Variants in FBN3 observed in about 807,000 individuals in gnomAD.
FBN3 encodes the protein fibrillin-3.
FBN3 carries 234 observed loss-of-function variants against 330.1 expected under a neutral mutation model. The ratio of observed to expected loss-of-function variants is 0.71; its 90% CI spans 0.64 to 0.79. The LOEUF is 0.79. FBN3 is among the 30% of genes least tolerant of loss of function. The probability of loss-of-function intolerance (pLI) is 0.00; values close to 1 mark genes in which losing one functional copy is unlikely to be tolerated. For synonymous variants in FBN3, 1,458 were observed against 1,517.3 expected, an observed-to-expected ratio of 0.96 and a Z score of 0.91; for missense variants, 3,606 against 3,886.9, an observed-to-expected ratio of 0.93 and a Z score of 1.92.
chr19:8,068,689 G>T (rs2081445038), intron 63 of FBN3, among the ~76,000 whole-genome samples: 1 of 150,284 alleles, frequency 6.7e-6, no homozygotes, highest in Non-Finnish European at 1.5e-5. Flanking sequence ...GTGACAGAGT[G>T]AGACCTTGTC....
chr19:8,096,689 G>A lies in FBN3; in HGVS notation c.5414-120C>T. ...AAGTTCCCCACTCAAACTTCCACCA[G>A]GGGCGTCAGGCTGTCTGCATGGACC... On this transcript the variant is annotated intron_variant, in intron 43 of 63. Transcript: ENST00000600128. The surrounding 1 kb of genome is among the most constrained non-coding windows in gnomAD (Gnocchi z 4.6). 7.0e-7 allele frequency: 1 copy of A among 1,419,638 alleles called. No individual in the cohort carries two copies. The highest frequency in any genetic ancestry group is 9.5e-7 in the Non-Finnish European group (1 of 1,051,254). The allele number at this position is 1,419,638 out of a possible 1,614,324, so 87.9% of individuals were successfully genotyped here. A position where few individuals can be genotyped will look rare whatever the true frequency, so the allele number is the denominator to read the frequency against.
intron 13 of FBN3, 25 bp downstream of exon 13, chr19:8,135,936 G>GGGGGGGCCCCCCCCCCCCCCCC: frequency 1.5e-6 from 1 of 668,778 alleles, no homozygotes; most frequent in Non-Finnish European, 2.4e-6. Context: ...GGAAGCCCCT[G>GGGGGGGCCCCCCCCCCCCCCCC]CCCACCCGCC....
Position 8,109,831 on chromosome 19 carries a change from T to G in FBN3, c.4334-78A>C. On this transcript the variant is annotated intron_variant, in intron 34 of 63. Transcript: ENST00000600128. The surrounding 1 kb of genome is among the most constrained non-coding windows in gnomAD (Gnocchi z 5.2). ...CCCTCCTAGCTTCATCCTGGGAAGC[T>G]ACAGCCCTCGCTCAAGGTCAACTCC... is the stretch of plus-strand genomic sequence containing the variant. The G allele has an allele frequency of 7.0e-7, 1 of 1,420,250 alleles. No homozygotes were observed. The highest frequency in any genetic ancestry group is 9.2e-7 in the Non-Finnish European group (1 of 1,082,254). The allele number at this position is 1,420,250 out of a possible 1,614,324, so 88.0% of individuals were successfully genotyped here.
chr19:8,072,934 C>A, intron 62 of FBN3, 129 bp downstream of exon 62: 2 of 773,554 alleles, frequency 2.6e-6, no homozygotes, highest in Admixed American at 2.5e-5. Flanking sequence ...TGAAGGAGCT[C>A]TTCTGGTAAA....
rs149551378 is a variant in FBN3, at chr19:8,111,684, G to A, written c.4048C>T (p.Arg1350Cys). The change falls in exon 32 of 64, where the codon CGC becomes TGC. Residue 1350 changes from arginine to cysteine, a missense_variant. Arg to Cys is a radical substitution (Grantham distance 180). Transcript: ENST00000600128. Reference sequence around the variant, plus strand: ...AAGCCATCCCCGGCAAAGCCCTGGCGGCAGGTGCAGCGGTAGGAGCCAGGG... The same window carrying A: ...AAGCCATCCCCGGCAAAGCCCTGGCAGCAGGTGCAGCGGTAGGAGCCAGGG... ...NVPGSYRCTC[R>C]QGFAGDGFFC... 5.8e-5 allele frequency: 94 copies of A among 1,610,048 alleles called. No homozygotes were observed. The African/African-American group carries it at 8.9e-4, about 15-fold the overall frequency.
At position 8,118,570 on chromosome 19, in the gene FBN3, A is replaced by T. The variant is rs78080357; in HGVS notation, c.3337+327T>A. Among the ~76,000 whole-genome samples, 863 of 149,630 alleles carry T rather than the reference A, an allele frequency of 5.8e-3. 4 individuals are homozygous for T. Among genetic ancestry groups the T allele is most frequent in the Non-Finnish European group, 9.3e-3 (633 of 67,980 alleles). ...CCCTCTTGTGTGTTCACACAGACGC[A>T]CACACACACTCACTCCTCACATACA... On this transcript the variant is annotated intron_variant, in intron 26 of 63. Coordinates refer to ENST00000600128, the MANE Select transcript of FBN3 (RefSeq NM_032447.5).
intron 22 of FBN3, 65 bp from the exon 23 acceptor site, chr19:8,124,073 G>C: frequency 1.5e-6 from 2 of 1,374,466 alleles, no homozygotes; most frequent in Non-Finnish European, 2.0e-6. Flanking sequence ...GGACAGGCGT[G>C]CCGCTCAGTC....
At position 8,093,441 on chromosome 19, in the gene FBN3, G is replaced by A. The variant is rs983330356; in HGVS notation, c.5905+1005C>T. On this transcript the variant is annotated intron_variant, in intron 47 of 63. Transcript: ENST00000600128. ...GATCGAGAGCATCCTGGCTAACATG[G>A]TGAAACCCCGTCTCTACTAAAAATA... 7.2e-5 allele frequency among the ~76,000 whole-genome samples: 11 copies of A among 152,238 alleles called. No individual in the cohort carries two copies. In the South Asian group the frequency reaches 1.2e-3, roughly 17 times the overall value.
intron 61 of FBN3, among the ~76,000 whole-genome samples, chr19:8,073,551 C>G (rs1346934063): frequency 6.6e-6 from 1 of 152,246 alleles, no homozygotes; most frequent in Non-Finnish European, 1.5e-5. Context: ...CTAGAACAAG[C>G]TTTCTCACCC....
chr19:8,094,602 A>C (rs1227168907), intron 46 of FBN3, 37 bp from the exon 47 acceptor site: 1 of 1,598,296 alleles, frequency 6.3e-7, no homozygotes, highest in South Asian at 1.1e-5. Context: ...TGTGCCAGCC[A>C]GGATGCAGGG....
intron 13 of FBN3, 25 bp downstream of exon 13, chr19:8,135,936 G>GGGGCCCCCCCCCCCCCCCC: frequency 1.5e-6 from 1 of 668,778 alleles, no homozygotes; most frequent in Non-Finnish European, 2.4e-6. Context: ...GGAAGCCCCT[G>GGGGCCCCCCCCCCCCCCCC]CCCACCCGCC....
intron 34 of FBN3, among the ~76,000 whole-genome samples, chr19:8,110,515 C>T (rs1181593698): frequency 6.6e-6 from 1 of 152,208 alleles, no homozygotes; most frequent in Non-Finnish European, 1.5e-5. Flanking sequence ...TTTTGAGCTA[C>T]AATGGCAGAG....
At position 8,086,129 on chromosome 19, in the gene FBN3, TG is replaced by T. The variant is rs536973519; in HGVS notation, c.6880+70del. Reference sequence around the variant, plus strand: ...GGCAGGCAGTGGGGGGAACAGGCAGTGGGGGGGGACAGGCAGTGGGTGCCAC... The same window carrying T: ...GGCAGGCAGTGGGGGGAACAGGCAGTGGGGGGGACAGGCAGTGGGTGCCAC... On this transcript the variant is annotated intron_variant, in intron 55 of 63. Coordinates refer to ENST00000600128, the MANE Select transcript of FBN3 (RefSeq NM_032447.5). 5.8e-3 allele frequency: 4,524 copies of T among 776,684 alleles called. 134 individuals are homozygous for T. In the African/African-American group the frequency reaches 0.13, roughly 22 times the overall value. 48.1% of individuals were successfully genotyped at this position (776,684 alleles called of 1,614,324 possible).
rs1282927490 is a variant in FBN3, at chr19:8,131,263, A to C, written c.2016T>G (p.Ser672Arg). ...GACCATCCGTGGTAATGCCAAGCCC[A>C]CTGCTGCACAGTGCCTGGAACTCAG... is the stretch of plus-strand genomic sequence containing the variant. ...DSAEFQALCS[S>R]GLGITTDGRD... is the part of the protein sequence containing the mutation. Residue 672 changes from serine (S) to arginine (R), a missense_variant, in exon 16 of 64, where the codon AGT (serine) becomes AGG (arginine). Physicochemically the swap from Ser to Arg is moderately radical, Grantham distance 110. Transcript: ENST00000600128. The surrounding 1 kb of genome is among the most constrained non-coding windows in gnomAD (Gnocchi z 4.5). The C allele has an allele frequency of 1.2e-6, 2 of 1,611,738 alleles. No individual in the cohort carries two copies. Among genetic ancestry groups the C allele is most frequent in the East Asian group, 4.5e-5 (2 of 44,824 alleles).
chr19:8,081,693 C>T (rs1055287987), intron 57 of FBN3, among the ~76,000 whole-genome samples: 8 of 152,198 alleles, frequency 5.3e-5, no homozygotes, highest in Non-Finnish European at 8.8e-5. Context: ...GGCCTTTGTA[C>T]TAGCAAAGCA....
At chr19:8,106,014 C>T (rs2082429276) in intron 38 of FBN3, 94 bp downstream of exon 38, 6 of 1,475,734 alleles carry the variant, frequency 4.1e-6, no homozygotes, top group Non-Finnish European at 3.7e-6. Flanking sequence ...TTCCATGAGG[C>T]CTTCCCTCCT....
At chr19:8,086,667 C>G (rs1406579362) in intron 54 of FBN3, among the ~76,000 whole-genome samples, 2 of 150,258 alleles carry the variant, frequency 1.3e-5, no homozygotes, top group African/African-American at 4.9e-5. Flanking sequence ...GGGGTTTCGC[C>G]GTGTTGTCCA....
chr19:8,098,144 A>G (rs924757033), intron 41 of FBN3, among the ~76,000 whole-genome samples: 1 of 152,232 alleles, frequency 6.6e-6, no homozygotes, highest in Non-Finnish European at 1.5e-5. Flanking sequence ...TATGTGAATT[A>G]TATCTCAATA....
intron 63 of FBN3, 123 bp from the exon 64 acceptor site, chr19:8,066,383 C>A: frequency 1.4e-6 from 1 of 731,682 alleles, no homozygotes; most frequent in South Asian, 2.0e-5. Context: ...AAGGAAAGAG[C>A]CATAAAAAGG....
Sources: gnomAD v4.1 joint callset for allele counts (sites outside exome capture counted in the v4.1 genomes callset) on GRCh38, gnomAD v4.1.1 for gene constraint, Gnocchi (gnomAD v3.1) non-coding constraint, MANE v1.5 for transcripts, NCBI Gene and HGNC (gene_info 2026-07-23, HGNC 2026-07-21) for gene names.